The following MGAT4C variants were observed in gnomAD, a reference collection of about 807,000 sequenced individuals.
MGAT4C encodes MGAT4 family member C.
MGAT4C carries 19 observed loss-of-function variants against 40.1 expected under a neutral mutation model. The ratio of observed to expected loss-of-function variants is 0.47; its 90% CI spans 0.33 to 0.70. The LOEUF is 0.70. Among genes scored for constraint, MGAT4C ranks in the 30% least tolerant of loss-of-function variants. MGAT4C has a pLI of 0.02. For missense variants in MGAT4C, 491 were observed against 563.2 expected (o/e 0.87, Z 1.30); for synonymous variants, 181 against 187.1 (o/e 0.97, Z 0.27).
intron 4 of MGAT4C, among the ~76,000 whole-genome samples, chr12:86,296,135 G>C (rs1358382408): frequency 1.5e-5 from 2 of 130,990 alleles, no homozygotes; most frequent in Admixed American, 8.0e-5. Flanking sequence ...CTAAATACAG[G>C]GTGCTGACTG....
In MGAT4C at chr12:85,963,076, A is replaced by G. The variant is rs1883195023; in HGVS notation, c.*16213T>C. 2.0e-5 allele frequency: 3 copies of G among 151,974 alleles called. No individual in the cohort carries two copies. Among genetic ancestry groups the G allele is most frequent in the Admixed American group, 2.0e-4 (3 of 15,246 alleles). 9.4% of individuals were successfully genotyped at this position (151,974 alleles called of 1,614,324 possible). On this transcript the variant is annotated 3_prime_UTR_variant, in exon 5 of 5. Transcript: ENST00000611864. ...AAACAACTATTTACATGCAAAAGTA[A>G]TATTTTTATTGCCCATTTGGAAAAT...
chr12:86,034,007 G>T (rs1295285580), intron 2 of MGAT4C, among the ~76,000 whole-genome samples: 3 of 149,458 alleles, frequency 2.0e-5, no homozygotes, highest in Non-Finnish European at 3.0e-5. Flanking sequence ...ATCTGATGAG[G>T]TGATCATGTG....
intron 2 of MGAT4C, among the ~76,000 whole-genome samples, chr12:85,991,649 A>G (rs545973648): frequency 2.0e-5 from 3 of 152,290 alleles, no homozygotes; most frequent in African/African-American, 7.2e-5. Flanking sequence ...GCATGTCAGC[A>G]CTGCCCAGAG....
rs73181985 is a variant in MGAT4C at position 86,284,767 on chromosome 12, C to T, written c.-57+49298G>A. On this transcript the variant is annotated intron_variant, in intron 4 of 7. Transcript: ENST00000548651. ...TGGCAATAGTCTGCTAATTAGAGTTCCATGCAGCCTTCTCCCATGTGCAAA... is the reference window on the plus strand; with the variant it reads ...TGGCAATAGTCTGCTAATTAGAGTTTCATGCAGCCTTCTCCCATGTGCAAA... Among the ~76,000 whole-genome samples the T allele has an allele frequency of 8.8e-3, 1,335 of 152,010 alleles. 8 individuals are homozygous for T. The highest frequency in any genetic ancestry group is 0.017 in the Middle Eastern group (5 of 294).
intron 2 of MGAT4C, among the ~76,000 whole-genome samples, chr12:86,570,021 T>C (rs1253922008): frequency 6.6e-6 from 1 of 152,098 alleles, no homozygotes; most frequent in Non-Finnish European, 1.5e-5. Context: ...GCAGAGAGTA[T>C]GATGGTGATT....
rs571187754 is a variant in MGAT4C at position 86,306,597 on chromosome 12, C to G, written c.-57+27468G>C. Among the ~76,000 whole-genome samples, 248 of 150,374 alleles carry G rather than the reference C, an allele frequency of 1.6e-3. 21 individuals carry two copies. Among genetic ancestry groups the G allele is most frequent in the African/African-American group, 5.9e-3 (235 of 39,974 alleles). ...AGGTTTTTCCTTTGTGATGATAAAGCATGTTTTGTACCTTGACAGGTGTTG... is the reference window on the plus strand; with the variant it reads ...AGGTTTTTCCTTTGTGATGATAAAGGATGTTTTGTACCTTGACAGGTGTTG... On this transcript the variant is annotated intron_variant, in intron 4 of 7. Transcript: ENST00000548651.
chr12:86,179,987 C>T (rs1012951870), intron 1 of MGAT4C, among the ~76,000 whole-genome samples: 19 of 152,166 alleles, frequency 1.2e-4, no homozygotes, highest in Admixed American at 3.9e-4. Flanking sequence ...TCATGGCAGC[C>T]GCTCCCATCA....
chr12:86,824,619 T>C (rs1264068637), intron 1 of MGAT4C, among the ~76,000 whole-genome samples: 2 of 150,440 alleles, frequency 1.3e-5, no homozygotes, highest in Non-Finnish European at 3.0e-5. Flanking sequence ...GAAAAGATGG[T>C]GTCATGTCCC....
intron 2 of MGAT4C, among the ~76,000 whole-genome samples, chr12:86,578,129 T>C (rs1960635570): frequency 6.6e-6 from 1 of 151,780 alleles, no homozygotes; most frequent in South Asian, 2.1e-4. Context: ...GAGGAGGACC[T>C]ATCTGTGTGG....
At chr12:86,279,579 C>T (rs1468319284) in intron 4 of MGAT4C, among the ~76,000 whole-genome samples, 5 of 151,360 alleles carry the variant, frequency 3.3e-5, no homozygotes, top group Non-Finnish European at 5.9e-5. Flanking sequence ...CTTACCTTTT[C>T]GAAAACAAGC....
intron 2 of MGAT4C, among the ~76,000 whole-genome samples, chr12:86,480,896 C>T (rs1957927209): frequency 1.3e-5 from 2 of 151,372 alleles, no homozygotes; most frequent in African/African-American, 4.8e-5. Context: ...TATAGGTTCT[C>T]TTCTTCCTTA....
At chr12:86,628,743 G>A (rs538390729) in intron 2 of MGAT4C, among the ~76,000 whole-genome samples, 1 of 152,246 alleles carries the variant, frequency 6.6e-6, no homozygotes, top group South Asian at 2.1e-4. Flanking sequence ...GCTACTGAAG[G>A]AAGCACTAAA....
intron 1 of MGAT4C, among the ~76,000 whole-genome samples, chr12:86,228,873 C>T (rs1448906644): frequency 2.0e-5 from 3 of 151,880 alleles, no homozygotes; most frequent in Non-Finnish European, 3.0e-5. Flanking sequence ...AACTGACTAA[C>T]TCTTCAGGGA....
chr12:86,807,165 G>A (rs1952372537), intron 1 of MGAT4C, among the ~76,000 whole-genome samples: 1 of 151,706 alleles, frequency 6.6e-6, no homozygotes, highest in African/African-American at 2.4e-5. Flanking sequence ...GGATGTGCAG[G>A]TCTGTTACAT....
intron 2 of MGAT4C, among the ~76,000 whole-genome samples, chr12:86,551,567 G>A (rs1357844161): frequency 6.6e-6 from 1 of 152,086 alleles, no homozygotes; most frequent in African/African-American, 2.4e-5. Flanking sequence ...TCCAAAGCCT[G>A]ATAAACAGCC....
chr12:86,728,778 T>C (rs986710565), intron 1 of MGAT4C, among the ~76,000 whole-genome samples: 3 of 152,248 alleles, frequency 2.0e-5, no homozygotes, highest in Admixed American at 6.5e-5. Flanking sequence ...TACATACCAA[T>C]GTGTTTTAAC....
chr12:86,234,398 A>G (rs973051185), intron 1 of MGAT4C, among the ~76,000 whole-genome samples: 7 of 152,206 alleles, frequency 4.6e-5, no homozygotes, highest in Non-Finnish European at 1.0e-4. Flanking sequence ...TATTTATTGA[A>G]GAATGACTGT....
intron 2 of MGAT4C, among the ~76,000 whole-genome samples, chr12:86,509,188 T>G (rs1320076094): frequency 6.6e-6 from 1 of 152,154 alleles, no homozygotes; most frequent in Non-Finnish European, 1.5e-5. Flanking sequence ...GTTTTTATGG[T>G]TTGAGGTCTA....
chr12:86,013,884 A>C, intron 2 of MGAT4C: 3 of 407,962 alleles, frequency 7.4e-6, no homozygotes, highest in Non-Finnish European at 9.9e-6. Flanking sequence ...CATTTTTGGT[A>C]TTACATGACT....
Sources: allele counts gnomAD v4.1 joint callset (sites outside exome capture counted in the v4.1 genomes callset), GRCh38; gene constraint gnomAD v4.1.1; transcripts MANE v1.5; gene names NCBI Gene and HGNC (gene_info 2026-07-23, HGNC 2026-07-21).